The following DGCR2 variants were observed in gnomAD, a reference collection of about 807,000 sequenced individuals.
The protein encoded by DGCR2 is DiGeorge syndrome critical region gene 2, also known as integral membrane protein DGCR2/IDD.
In DGCR2, 24 loss-of-function variants were observed where a neutral mutation model predicts 51.6. The observed-to-expected ratio is 0.47, with a 90% CI of 0.34 to 0.65. DGCR2 has a LOEUF of 0.65. Ranked by LOEUF, DGCR2 falls within the 30% of genes least tolerant of loss-of-function variation. The probability of loss-of-function intolerance (pLI) is 0.01; values close to 1 mark genes in which losing one functional copy is unlikely to be tolerated. For synonymous variants in DGCR2, 340 were observed against 315.4 expected, an observed-to-expected ratio of 1.08 and a Z score of -0.82; for missense variants, 765 against 772.1, an observed-to-expected ratio of 0.99 and a Z score of 0.11.
intron 5 of DGCR2, among the ~76,000 whole-genome samples, chr22:19,058,534 T>C (rs1232767405): frequency 6.6e-6 from 1 of 152,132 alleles, no homozygotes; most frequent in Non-Finnish European, 1.5e-5. Context: ...ACAGATGCCT[T>C]CTCACCTAAG....
chr22:19,048,340 TA>T, intron 7 of DGCR2, 99 bp downstream of exon 7: 1 of 1,298,362 alleles, frequency 7.7e-7, no homozygotes. Context: ...CGATGCTCCA[TA>T]AACTCTCCTG....
chr22:19,071,938 G>A (rs559465092), intron 2 of DGCR2, among the ~76,000 whole-genome samples: 48 of 152,134 alleles, frequency 3.2e-4, no homozygotes, highest in African/African-American at 9.6e-4. Flanking sequence ...GTAAAGGTGC[G>A]GCAGGACACT....
chr22:19,092,713 T>C (rs981812318), intron 1 of DGCR2, among the ~76,000 whole-genome samples: 26 of 152,124 alleles, frequency 1.7e-4, no homozygotes, highest in African/African-American at 6.3e-4. Context: ...AACAATAGTA[T>C]CAAAAAATAA....
At chr22:19,077,084 T>C (rs2082886442) in intron 2 of DGCR2, among the ~76,000 whole-genome samples, 1 of 152,198 alleles carries the variant, frequency 6.6e-6, no homozygotes, top group South Asian at 2.1e-4. Context: ...TCTTTTTATA[T>C]TTTAAATATT....
chr22:19,098,884 G>A (rs1375889955), intron 1 of DGCR2, among the ~76,000 whole-genome samples: 1 of 152,154 alleles, frequency 6.6e-6, no homozygotes, highest in Admixed American at 6.5e-5. Context: ...ATGAGCCACT[G>A]TGTCTGGCTG....
chr22:19,072,392 G>C (rs573116063), intron 2 of DGCR2, among the ~76,000 whole-genome samples: 1 of 152,248 alleles, frequency 6.6e-6, no homozygotes, highest in Admixed American at 6.5e-5. Flanking sequence ...AGAACTTCAA[G>C]TCCCTCAGCC....
chr22:19,119,337 G>A (rs1234882585), intron 1 of DGCR2, among the ~76,000 whole-genome samples: 1 of 152,096 alleles, frequency 6.6e-6, no homozygotes, highest in Non-Finnish European at 1.5e-5. Flanking sequence ...CTTTAAATGA[G>A]GCTAAAAACA....
chr22:19,075,489 A>T (rs1209774297), intron 2 of DGCR2, among the ~76,000 whole-genome samples: 1 of 151,886 alleles, frequency 6.6e-6, no homozygotes, highest in African/African-American at 2.4e-5. Context: ...ATTATTAAGT[A>T]CCTTCACATT....
chr22:19,119,795 C>T (rs947614939), intron 1 of DGCR2, among the ~76,000 whole-genome samples: 1 of 151,650 alleles, frequency 6.6e-6, no homozygotes, highest in Admixed American at 6.6e-5. Context: ...CTTGCTGCCC[C>T]ATAACTCCAT....
chr22:19,086,746 G>A (rs2083021185), intron 2 of DGCR2, among the ~76,000 whole-genome samples: 1 of 152,154 alleles, frequency 6.6e-6, no homozygotes, highest in Admixed American at 6.5e-5. Flanking sequence ...TTATTTTTCT[G>A]TCTAGGGAAA....
intron 2 of DGCR2, among the ~76,000 whole-genome samples, chr22:19,083,568 A>G (rs1479301438): frequency 6.6e-6 from 1 of 152,226 alleles, no homozygotes; most frequent in Non-Finnish European, 1.5e-5. Context: ...ACATTCTGCC[A>G]CTATTTACTT....
At chr22:19,085,950 C>G (rs930037331) in intron 2 of DGCR2, among the ~76,000 whole-genome samples, 1 of 152,080 alleles carries the variant, frequency 6.6e-6, no homozygotes, top group Non-Finnish European at 1.5e-5. Flanking sequence ...CCCCCACAAA[C>G]ACAAAGAGTT....
At chr22:19,088,053 C>A (rs951267855) in intron 2 of DGCR2, among the ~76,000 whole-genome samples, 1 of 152,178 alleles carries the variant, frequency 6.6e-6, no homozygotes, top group Non-Finnish European at 1.5e-5. Context: ...GGAACCCCCC[C>A]TCAAAGAACT....
At chr22:19,083,798 C>T (rs1295160431) in intron 2 of DGCR2, among the ~76,000 whole-genome samples, 1 of 148,656 alleles carries the variant, frequency 6.7e-6, no homozygotes, top group Non-Finnish European at 1.5e-5. Context: ...GCTGCCATCT[C>T]GGCTCACTGC....
intron 2 of DGCR2, among the ~76,000 whole-genome samples, chr22:19,077,081 A>G (rs1490433433): frequency 6.6e-6 from 1 of 152,112 alleles, no homozygotes; most frequent in Non-Finnish European, 1.5e-5. Context: ...AATTCTTTTT[A>G]TATTTTAAAT....
At chr22:19,117,822 A>G (rs1269736606) in intron 1 of DGCR2, among the ~76,000 whole-genome samples, 1 of 152,206 alleles carries the variant, frequency 6.6e-6, no homozygotes, top group Non-Finnish European at 1.5e-5. Context: ...GGTAGAAAGT[A>G]TATTACATCA....
In DGCR2 at chr22:19,062,779, A is replaced by ACTCTCTCTCTCTCTCTCTCTCT. The variant is rs11471797; in HGVS notation, c.625+401_625+422dup. Among the ~76,000 whole-genome samples the ACTCTCTCTCTCTCTCTCTCTCT allele has an allele frequency of 1.6e-3, 200 of 127,418 alleles. 5 individuals are homozygous for ACTCTCTCTCTCTCTCTCTCTCT. Among genetic ancestry groups the ACTCTCTCTCTCTCTCTCTCTCT allele is most frequent in the South Asian group, 3.2e-3 (11 of 3,478 alleles). The allele number at this position is 127,418 out of a possible 152,430, so 83.6% of individuals were successfully genotyped here. On this transcript the variant is annotated intron_variant, in intron 5 of 9. Transcript: ENST00000263196. ...TGCGCACACACACACATGCATGCTC[A>ACTCTCTCTCTCTCTCTCTCTCT]CTCTCTCTCTCTCTCTCTCTCTCTC...
chr22:19,042,398 C>T (rs1250538234), intron 7 of DGCR2, among the ~76,000 whole-genome samples: 1 of 152,256 alleles, frequency 6.6e-6, no homozygotes, highest in Non-Finnish European at 1.5e-5. Context: ...CAACAGCAGC[C>T]TTCCTTTTGT....
intron 1 of DGCR2, among the ~76,000 whole-genome samples, chr22:19,092,333 G>A (rs915938594): frequency 3.8e-4 from 52 of 137,154 alleles, no homozygotes; most frequent in African/African-American, 1.4e-3. Context: ...GACAGAACGA[G>A]ACTCCATCTT....
Sources: allele counts gnomAD v4.1 joint callset (sites outside exome capture counted in the v4.1 genomes callset), GRCh38; gene constraint gnomAD v4.1.1; transcripts MANE v1.5; gene names NCBI Gene and HGNC (gene_info 2026-07-23, HGNC 2026-07-21).